The following ZFP42 variants were observed in gnomAD, a reference collection of about 807,000 sequenced individuals.
ZFP42 encodes zinc finger protein 42 homolog.
For missense variants in ZFP42, 438 were observed against 377.1 expected (o/e 1.16, Z -1.34); for synonymous variants, 175 against 144.6 (o/e 1.21, Z -1.51).
rs1733733215 is a variant in ZFP42 at position 187,999,645 on chromosome 4, CAGA to C, written c.-132_-130del. ...GAGGCTGGAGCCTGTGTGAACAGAA[CAGA>C]AGAGGCCTTCACTCTAGTAGTGCTC... is the stretch of plus-strand genomic sequence containing the variant. On this transcript the variant is annotated 5_prime_UTR_variant, in exon 3 of 4. Transcript: ENST00000326866. The C allele has an allele frequency of 6.6e-6, 1 of 152,234 alleles. No homozygotes were observed. Among genetic ancestry groups the C allele is most frequent in the Admixed American group, 6.5e-5 (1 of 15,284 alleles). The allele number at this position is 152,234 out of a possible 1,614,324, so 9.4% of individuals were successfully genotyped here.
chr4:187,996,324 T>C (rs1424199926), intron 1 of ZFP42, among the ~76,000 whole-genome samples: 1 of 151,110 alleles, frequency 6.6e-6, no homozygotes, highest in Non-Finnish European at 1.5e-5. Flanking sequence ...CTTTTTTCTT[T>C]TTTTTTGGAG....
chr4:188,000,217 A>G (rs978544821), intron 3 of ZFP42, among the ~76,000 whole-genome samples: 11 of 152,132 alleles, frequency 7.2e-5, no homozygotes, highest in Non-Finnish European at 1.6e-4. Flanking sequence ...TACTTTAAGC[A>G]TTTCAGGTCC....
At position 188,003,697 on chromosome 4, in the gene ZFP42, T is replaced by C. The variant is rs1733943519; in HGVS notation, c.890T>C (p.Leu297Pro). 1 of 1,613,470 alleles carries C rather than the reference T, an allele frequency of 6.2e-7. No homozygotes were observed. The highest frequency in any genetic ancestry group is 8.5e-7 in the Non-Finnish European group (1 of 1,179,684). The change falls in exon 4 of 4, where the codon CTA becomes CCA. Residue 297 changes from leucine (L) to proline (P), a missense_variant. Leu to Pro is a moderately conservative substitution (Grantham distance 98, BLOSUM62 -3). Transcript: ENST00000326866. ...TCAAATAACCTGAAAGCCCACATCC[T>C]AACGCATGCAAATACGAACAAGAAT... is the stretch of plus-strand genomic sequence containing the variant. ...IQSNNLKAHILTHANTNKNEQ... is the reference protein window; with the variant it reads ...IQSNNLKAHIPTHANTNKNEQ...
rs1024033008 is a variant in ZFP42, at chr4:187,999,690, G to C, written c.-96+5G>C. On this transcript the variant is annotated splice_donor_5th_base_variant and intron_variant, in intron 3 of 3. Transcript: ENST00000326866. ...GTAGTGCTCACAGTCCAGCAGGTAA[G>C]ACAGACTTGAAGCAAGGGACACCAG... The C allele has an allele frequency of 6.6e-6, 1 of 152,270 alleles. No individual in the cohort carries two copies. The highest frequency in any genetic ancestry group is 2.4e-5 in the African/African-American group (1 of 41,456). The allele number at this position is 152,270 out of a possible 1,614,324, so 9.4% of individuals were successfully genotyped here.
chr4:187,997,228 CTTTTTTTTT>C (rs71595201), intron 1 of ZFP42, among the ~76,000 whole-genome samples: 1 of 60,030 alleles, frequency 1.7e-5, no homozygotes, highest in African/African-American at 7.8e-5. Flanking sequence ...CTCTCATATT[CTTTTTTTTT>C]TTTTTTTTTT....
At chr4:188,005,186 G>A (rs1185040608), downstream of ZFP42, 1 of 164,092 alleles carries the variant, frequency 6.1e-6, no homozygotes, top group Non-Finnish European at 1.5e-5. Flanking sequence ...GGGCTTACGT[G>A]TGGTTGGATA....
chr4:187,998,604 G>A (rs1443443870), intron 1 of ZFP42, among the ~76,000 whole-genome samples: 1 of 152,070 alleles, frequency 6.6e-6, no homozygotes, highest in Non-Finnish European at 1.5e-5. Context: ...CTTTTGTACA[G>A]TATTTCTTCT....
rs958569104 is a variant in ZFP42, at chr4:188,004,856, G to T, written c.*1116G>T. The T allele has an allele frequency of 3.6e-5, 6 of 167,088 alleles. No individual in the cohort carries two copies. The Admixed American group carries it at 3.9e-4, about 11-fold the overall frequency. The allele number at this position is 167,088 out of a possible 1,614,324, so 10.4% of individuals were successfully genotyped here. ...AGCCCTAGAGAATGAAAAATTTGCA[G>T]TAGATAGTCAATAAATGAATCAGTA... On this transcript the variant is annotated 3_prime_UTR_variant, in exon 4 of 4. Transcript: ENST00000326866.
chr4:188,002,583 C>G (rs562744197), intron 3 of ZFP42, 130 bp from the exon 4 acceptor site: 1 of 554,528 alleles, frequency 1.8e-6, no homozygotes, highest in African/African-American at 1.9e-5. Flanking sequence ...ACACAGAGCT[C>G]ATTCTTGGTC....
At position 188,002,976 on chromosome 4, in the gene ZFP42, G is replaced by A. The variant is rs1028199044; in HGVS notation, c.169G>A (p.Glu57Lys). 1 of 1,614,180 alleles carries A rather than the reference G, an allele frequency of 6.2e-7. No homozygotes were observed. Among genetic ancestry groups the A allele is most frequent in the Non-Finnish European group, 8.5e-7 (1 of 1,180,032 alleles). Residue 57 changes from glutamate (E) to lysine (K), a missense_variant, in exon 4 of 4, where the codon GAG (glutamate) becomes AAG (lysine). Physicochemically the swap from Glu to Lys is moderately conservative, Grantham distance 56 (BLOSUM62 1). Transcript: ENST00000326866. ...WALCDGYVCYEPGPQALGGDD... is the reference protein window; with the variant it reads ...WALCDGYVCYKPGPQALGGDD... ...CTTATGTGATGGCTATGTGTGCTAT[G>A]AGCCTGGCCCTCAGGCTCTCGGAGG...
intron 1 of ZFP42, among the ~76,000 whole-genome samples, chr4:187,996,904 A>C (rs908404307): frequency 2.0e-5 from 3 of 152,098 alleles, no homozygotes; most frequent in African/African-American, 7.2e-5. Flanking sequence ...CCTGGGATGA[A>C]ATGCAAATGG....
At chr4:188,000,321 G>C in intron 3 of ZFP42, among the ~76,000 whole-genome samples, 1 of 152,072 alleles carries the variant, frequency 6.6e-6, no homozygotes, top group East Asian at 1.9e-4. Flanking sequence ...ACCCTCCAAA[G>C]GTGCTAATAT....
rs1235853425 is a variant in ZFP42, at chr4:188,002,783, T to C, written c.-25T>C. ...GGTTGATATATCCTGGTGTAAACCT[T>C]CAAGAAGGGCACAGGCAGGAAAACA... On this transcript the variant is annotated 5_prime_UTR_variant, in exon 4 of 4. Transcript: ENST00000326866. 2 of 1,608,764 alleles carry C rather than the reference T, an allele frequency of 1.2e-6. No homozygotes were observed.
chr4:187,997,901 C>T lies in ZFP42; in HGVS notation c.-338-1207C>T, dbSNP rs534579015. On this transcript the variant is annotated intron_variant, in intron 1 of 3. Coordinates refer to ENST00000326866, the MANE Select transcript of ZFP42 (RefSeq NM_174900.5). ...TGTGTGTTTGTCTCTTCGTTTTTAA[C>T]GTAAAAGTTTTTAAACAGACAAAAT... Among the ~76,000 whole-genome samples the T allele has an allele frequency of 2.4e-4, 36 of 151,888 alleles. No individual in the cohort carries two copies. In the South Asian group the frequency reaches 6.4e-3, roughly 27 times the overall value.
In ZFP42 at chr4:188,003,811, C is replaced by T; in HGVS notation, c.*71C>T. On this transcript the variant is annotated 3_prime_UTR_variant, in exon 4 of 4. Coordinates refer to ENST00000326866, the MANE Select transcript of ZFP42 (RefSeq NM_174900.5). ...AAACATGCCTCATTGATTATTGTTT[C>T]TAGGAAGGAATTTCTAAATCAATAT... is the stretch of plus-strand genomic sequence containing the variant. 3 of 1,449,580 alleles carry T rather than the reference C, an allele frequency of 2.1e-6. No individual in the cohort carries two copies. In the African/African-American group the frequency reaches 4.3e-5, roughly 21 times the overall value. 89.8% of individuals were successfully genotyped at this position (1,449,580 alleles called of 1,614,324 possible).
chr4:188,003,242 G>A lies in ZFP42; in HGVS notation c.435G>A (p.Glu145=). Residue 145 remains glutamate, a synonymous_variant, in exon 4 of 4, where the codon GAG becomes GAA. Transcript: ENST00000326866. ...IVGENSLEYS[E]YMTGKKLPPG... is the part of the protein sequence containing the mutation. ...GAGAGAATTCGCTTGAGTATTCTGA[G>A]TACATGACAGGCAAGAAGCTTCCGC... is the stretch of plus-strand genomic sequence containing the variant. 6.2e-7 allele frequency: 1 copy of A among 1,614,068 alleles called. No individual in the cohort carries two copies. The highest frequency in any genetic ancestry group is 1.1e-5 in the South Asian group (1 of 91,084).
intron 2 of ZFP42, 25 bp from the exon 3 acceptor site, chr4:187,999,584 C>A (rs781001994): frequency 3.3e-5 from 5 of 152,222 alleles, no homozygotes; most frequent in Admixed American, 1.3e-4. Flanking sequence ...ATGACTAATG[C>A]ATACTCATGA....
At position 188,003,751 on chromosome 4, in the gene ZFP42, G is replaced by A. The variant is rs541154695; in HGVS notation, c.*11G>A. ...CAAGAGGGAAAGTAGTCCTCCAACA[G>A]GATGAAGCAGATTAACAGAAGAGTG... On this transcript the variant is annotated 3_prime_UTR_variant, in exon 4 of 4. Coordinates refer to ENST00000326866, the MANE Select transcript of ZFP42 (RefSeq NM_174900.5). The A allele has an allele frequency of 4.1e-4, 647 of 1,596,934 alleles. 7 individuals are homozygous for A. In the South Asian group the frequency reaches 5.4e-3, roughly 13 times the overall value.
Position 187,996,987 on chromosome 4 carries a change from G to GGGAGCCTGGAGCAT in ZFP42, c.-339+1152_-339+1153insCTGGAGCATGGAGC, listed in dbSNP as rs1553987574. 1.5e-4 allele frequency among the ~76,000 whole-genome samples: 9 copies of GGGAGCCTGGAGCAT among 58,950 alleles called. No homozygotes were observed. In the East Asian group the frequency reaches 0.053, roughly 349 times the overall value. The allele number at this position is 58,950 out of a possible 152,430, so 38.7% of individuals were successfully genotyped here. A position where few individuals can be genotyped will look rare whatever the true frequency, so the allele number is the denominator to read the frequency against. On this transcript the variant is annotated intron_variant, in intron 1 of 3. Transcript: ENST00000326866. ...CACCTTCCTGCCCGCCATAGCTGTA[G>GGGAGCCTGGAGCAT]GGAGCATGGAGCATGGAGCGTGGAG... is the stretch of plus-strand genomic sequence containing the variant.
Sources: allele counts gnomAD v4.1 joint callset (sites outside exome capture counted in the v4.1 genomes callset), GRCh38; gene constraint gnomAD v4.1.1; transcripts MANE v1.5; gene names NCBI Gene and HGNC (gene_info 2026-07-23, HGNC 2026-07-21).